HACD2: variants seen among roughly 807,000 people sequenced by gnomAD.
The protein encoded by HACD2 is very-long-chain (3R)-3-hydroxyacyl-CoA dehydratase 2.
A neutral mutation model predicts 31.0 loss-of-function variants in HACD2; 15 were observed. The ratio of observed to expected loss-of-function variants is 0.48; its 90% CI spans 0.32 to 0.75. The LOEUF is 0.75. Ranked by LOEUF, HACD2 falls within the 30% of genes least tolerant of loss-of-function variation. The pLI, the probability that HACD2 is intolerant of heterozygous loss-of-function variation, is 0.03. For synonymous variants in HACD2, 115 were observed against 122.2 expected (o/e 0.94, Z 0.39); for missense variants, 283 against 313.0 (o/e 0.90, Z 0.72).
intron 3 of HACD2, among the ~76,000 whole-genome samples, chr3:123,555,924 G>T (rs573173934): frequency 6.6e-6 from 1 of 152,300 alleles, no homozygotes; most frequent in East Asian, 1.9e-4. Flanking sequence ...TTTGACAATG[G>T]CATAAAGACA....
At chr3:123,536,969 A>G (rs1286786294) in intron 3 of HACD2, among the ~76,000 whole-genome samples, 1 of 152,226 alleles carries the variant, frequency 6.6e-6, no homozygotes, top group Non-Finnish European at 1.5e-5. Context: ...AAATGAAATA[A>G]ATCAAAATAA....
At chr3:123,528,870 T>C (rs968394012) in intron 3 of HACD2, among the ~76,000 whole-genome samples, 15 of 152,336 alleles carry the variant, frequency 9.8e-5, no homozygotes, top group Admixed American at 9.1e-4. Context: ...ATCAATCCTA[T>C]TTGTGTCTAA....
chr3:123,501,586 G>T (rs1413007648), intron 5 of HACD2, among the ~76,000 whole-genome samples: 1 of 151,606 alleles, frequency 6.6e-6, no homozygotes, highest in Admixed American at 6.6e-5. Context: ...GTAGGATGGT[G>T]GAAAAAAATC....
At chr3:123,500,259 A>G (rs2055885584) in intron 6 of HACD2, among the ~76,000 whole-genome samples, 2 of 152,210 alleles carry the variant, frequency 1.3e-5, no homozygotes, top group South Asian at 2.1e-4. Flanking sequence ...TACTTAACCT[A>G]GCCTGGTATT....
At chr3:123,542,113 C>T (rs2107720905) in intron 3 of HACD2, among the ~76,000 whole-genome samples, 1 of 123,592 alleles carries the variant, frequency 8.1e-6, no homozygotes, top group African/African-American at 3.1e-5. Context: ...CGCCACTGCA[C>T]TCCAGCCTGG....
In HACD2 at chr3:123,494,986, A is replaced by C. The variant is rs759960473; in HGVS notation, c.683-16T>G. The C allele has an allele frequency of 6.6e-7, 1 of 1,504,000 alleles. No individual in the cohort carries two copies. The highest frequency in any genetic ancestry group is 1.2e-5 in the South Asian group (1 of 82,594). The allele number at this position is 1,504,000 out of a possible 1,614,324, so 93.2% of individuals were successfully genotyped here. The stretch of plus-strand genomic sequence containing the variant: ...TGGGGAAAAACTGAAAAGAAAAGAA[A>C]AATTGGTTAAGAGGATGGTTTAAAA... On this transcript the variant is annotated splice_polypyrimidine_tract_variant and intron_variant, in intron 6 of 6. Coordinates refer to ENST00000383657, the MANE Select transcript of HACD2 (RefSeq NM_198402.5).
At chr3:123,572,015 T>C (rs2056860538) in intron 2 of HACD2, among the ~76,000 whole-genome samples, 1 of 152,200 alleles carries the variant, frequency 6.6e-6, no homozygotes, top group Non-Finnish European at 1.5e-5. Flanking sequence ...CTACATATCG[T>C]AGGACATCTA....
intron 3 of HACD2, among the ~76,000 whole-genome samples, chr3:123,543,104 A>G (rs756662044): frequency 2.0e-5 from 3 of 152,192 alleles, no homozygotes; most frequent in Non-Finnish European, 4.4e-5. Context: ...AGCAACAGGA[A>G]ACACTAGCCC....
At chr3:123,545,139 GTTTT>G in intron 3 of HACD2, among the ~76,000 whole-genome samples, 1 of 132,408 alleles carries the variant, frequency 7.6e-6, no homozygotes. Flanking sequence ...GGTACTAGCT[GTTTT>G]TTTTTTTTTT....
intron 4 of HACD2, among the ~76,000 whole-genome samples, chr3:123,523,178 A>C (rs2056238355): frequency 6.6e-6 from 1 of 152,192 alleles, no homozygotes; most frequent in South Asian, 2.1e-4. Context: ...AAAAACCCCA[A>C]CAACGAAAAC....
At chr3:123,516,862 C>T (rs1054999043) in intron 4 of HACD2, among the ~76,000 whole-genome samples, 6 of 152,174 alleles carry the variant, frequency 3.9e-5, no homozygotes, top group African/African-American at 7.2e-5. Context: ...AAAGGATGGT[C>T]GGTACCTCAA....
chr3:123,503,239 TGG>T (rs1694121448), intron 4 of HACD2, among the ~76,000 whole-genome samples: 1 of 141,100 alleles, frequency 7.1e-6, no homozygotes, highest in South Asian at 2.3e-4. Context: ...CACCCCAGCC[TGG>T]GTGACAGAGT....
intron 4 of HACD2, among the ~76,000 whole-genome samples, chr3:123,505,049 A>G (rs758856353): frequency 6.6e-6 from 1 of 152,248 alleles, no homozygotes; most frequent in African/African-American, 2.4e-5. Context: ...GCGGGATATT[A>G]TTATATACAT....
intron 3 of HACD2, among the ~76,000 whole-genome samples, chr3:123,545,299 T>C (rs2056545184): frequency 6.6e-6 from 1 of 150,794 alleles, no homozygotes; most frequent in Admixed American, 6.6e-5. Context: ...CTGGTCAACA[T>C]GGCGAAACCC....
At chr3:123,550,690 T>G (rs1048316476) in intron 3 of HACD2, among the ~76,000 whole-genome samples, 1 of 152,118 alleles carries the variant, frequency 6.6e-6, no homozygotes, top group Non-Finnish European at 1.5e-5. Flanking sequence ...TGAGGTGGCT[T>G]CTGCACATGT....
At chr3:123,562,107 T>C (rs1316044709) in intron 3 of HACD2, among the ~76,000 whole-genome samples, 6 of 152,220 alleles carry the variant, frequency 3.9e-5, no homozygotes, top group Non-Finnish European at 8.8e-5. Flanking sequence ...CCACCACGAC[T>C]GGCCTATTTT....
intron 3 of HACD2, among the ~76,000 whole-genome samples, chr3:123,556,372 G>A (rs1576223848): frequency 6.6e-6 from 1 of 151,360 alleles, no homozygotes. Flanking sequence ...TGCAGATCAA[G>A]GCTGCAGCGA....
intron 3 of HACD2, chr3:123,543,763 A>G: frequency 3.4e-6 from 1 of 297,190 alleles, no homozygotes; most frequent in Non-Finnish European, 6.8e-6. Context: ...ACACAGAAAA[A>G]TAAAAATTAT....
intron 4 of HACD2, among the ~76,000 whole-genome samples, chr3:123,519,241 C>T (rs1483521475): frequency 1.3e-5 from 2 of 152,164 alleles, no homozygotes; most frequent in African/African-American, 2.4e-5. Flanking sequence ...CATGCATACA[C>T]ACAAATCCAC....
Sources: allele counts gnomAD v4.1 joint callset (sites outside exome capture counted in the v4.1 genomes callset), GRCh38; gene constraint gnomAD v4.1.1; transcripts MANE v1.5; gene names NCBI Gene and HGNC (gene_info 2026-07-23, HGNC 2026-07-21).